Variants in RNF180 observed in about 807,000 individuals in gnomAD.
RNF180 encodes the protein ring finger protein 180.
In RNF180, 38 loss-of-function variants were observed where a neutral mutation model predicts 59.2. The observed-to-expected ratio is 0.64, with a 90% CI of 0.50 to 0.84. The LOEUF (loss-of-function observed/expected upper bound fraction) is 0.84. Among genes scored for constraint, RNF180 ranks in the 40% least tolerant of loss-of-function variants. RNF180 has a pLI of 0.00. For missense variants in RNF180, 705 were observed against 700.9 expected, an observed-to-expected ratio of 1.01 and a Z score of -0.07; for synonymous variants, 262 against 240.3, an observed-to-expected ratio of 1.09 and a Z score of -0.84.
chr5:64,190,830 C>T (rs1300615866), intron 1 of RNF180, among the ~76,000 whole-genome samples: 1 of 152,098 alleles, frequency 6.6e-6, no homozygotes, highest in Non-Finnish European at 1.5e-5. Flanking sequence ...GAAAACAACC[C>T]TACCAACATC....
chr5:64,174,590 C>T (rs1750127437), intron 1 of RNF180, among the ~76,000 whole-genome samples: 1 of 151,948 alleles, frequency 6.6e-6, no homozygotes, highest in South Asian at 2.1e-4. Flanking sequence ...TTATCATATA[C>T]CCGTTGGCCA....
At chr5:64,269,590 G>A (rs916496655) in intron 5 of RNF180, among the ~76,000 whole-genome samples, 1 of 151,976 alleles carries the variant, frequency 6.6e-6, no homozygotes, top group South Asian at 2.1e-4. Context: ...CTTACTGAAG[G>A]CCCTGCTATG....
intron 1 of RNF180, among the ~76,000 whole-genome samples, chr5:64,182,280 A>C (rs1750638802): frequency 6.6e-6 from 1 of 152,058 alleles, no homozygotes; most frequent in Non-Finnish European, 1.5e-5. Context: ...TACTTTCTTA[A>C]ATAATGTGAT....
At chr5:64,308,875 C>T (rs984142845) in intron 5 of RNF180, among the ~76,000 whole-genome samples, 6 of 151,506 alleles carry the variant, frequency 4.0e-5, no homozygotes, top group Middle Eastern at 3.2e-3. Context: ...TCAGCTGACT[C>T]CCCCATAGGC....
At chr5:64,195,669 A>G (rs1194172096) in intron 1 of RNF180, among the ~76,000 whole-genome samples, 1 of 152,250 alleles carries the variant, frequency 6.6e-6, no homozygotes, top group East Asian at 1.9e-4. Context: ...TAAAGACCAA[A>G]ACACTTCTAA....
chr5:64,283,660 T>C (rs1742127877), intron 5 of RNF180, among the ~76,000 whole-genome samples: 1 of 152,180 alleles, frequency 6.6e-6, no homozygotes, highest in African/African-American at 2.4e-5. Flanking sequence ...GCATTTCCCA[T>C]GCTTGCACTT....
chr5:64,341,125 T>G lies in RNF180; in HGVS notation c.1579+10719T>G, dbSNP rs184989343. 1.5e-3 allele frequency among the ~76,000 whole-genome samples: 225 copies of G among 152,304 alleles called. 1 individual carries two copies. The highest frequency in any genetic ancestry group is 5.2e-3 in the African/African-American group (216 of 41,582). The stretch of plus-strand genomic sequence containing the variant: ...CATTTATAAAAGTGCACATGTATGC[T>G]TGTGCATTAAAAATTCAACCAGTAA... On this transcript the variant is annotated intron_variant, in intron 7 of 7. Transcript: ENST00000389100.
intron 5 of RNF180, among the ~76,000 whole-genome samples, chr5:64,270,026 A>AACACACAC (rs146625939): frequency 1.1e-3 from 159 of 148,686 alleles, no homozygotes; most frequent in African/African-American, 3.7e-3. Context: ...CAGTAACAAT[A>AACACACAC]ACACACACAC....
rs187698762 is a variant in RNF180, at chr5:64,246,394, A to G, written c.1227+28998A>G. Among the ~76,000 whole-genome samples, 128 of 152,308 alleles carry G rather than the reference A, an allele frequency of 8.4e-4. 1 individual carries two copies. Among genetic ancestry groups the G allele is most frequent in the African/African-American group, 3.0e-3 (123 of 41,582 alleles). Reference sequence around the variant, plus strand: ...CTAATAAAGAAGAAAAGACAGAAAAATAAAATAGACACTATAAAAAATGAT... The same window carrying G: ...CTAATAAAGAAGAAAAGACAGAAAAGTAAAATAGACACTATAAAAAATGAT... On this transcript the variant is annotated intron_variant, in intron 5 of 7. Transcript: ENST00000389100.
intron 1 of RNF180, among the ~76,000 whole-genome samples, chr5:64,193,688 T>A (rs941580136): frequency 6.6e-6 from 1 of 152,238 alleles, no homozygotes; most frequent in Non-Finnish European, 1.5e-5. Flanking sequence ...ATATCACTTT[T>A]ATAATGAAAG....
chr5:64,206,014 T>C (rs1751999385), intron 2 of RNF180, among the ~76,000 whole-genome samples: 1 of 152,176 alleles, frequency 6.6e-6, no homozygotes, highest in Non-Finnish European at 1.5e-5. Flanking sequence ...AAATGTTAAA[T>C]GAGATCTAGA....
In RNF180 at chr5:64,198,932, C is replaced by T. The variant is rs150761859; in HGVS notation, c.1-1876C>T. ...CCGAGTTCAAGCAATTCTCCTGCCT[C>T]AGCCTCCCAAGTAGCTGGGACTACA... On this transcript the variant is annotated intron_variant, in intron 1 of 7. Transcript: ENST00000389100. 3.4e-3 allele frequency among the ~76,000 whole-genome samples: 524 copies of T among 152,198 alleles called. 2 individuals are homozygous for T. The highest frequency in any genetic ancestry group is 0.011 in the African/African-American group (476 of 41,538).
In RNF180 at chr5:64,372,675, CTT is replaced by C. The variant is rs1281953553; in HGVS notation, c.*2863_*2864del. The C allele has an allele frequency of 6.6e-6, 1 of 151,882 alleles. No homozygotes were observed. Among genetic ancestry groups the C allele is most frequent in the Admixed American group, 6.6e-5 (1 of 15,188 alleles). 9.4% of individuals were successfully genotyped at this position (151,882 alleles called of 1,614,324 possible). On this transcript the variant is annotated 3_prime_UTR_variant, in exon 8 of 8. Coordinates refer to ENST00000389100, the MANE Select transcript of RNF180 (RefSeq NM_001113561.2). ...GATTAAATGCAATTACAGTTGGAGT[CTT>C]TGATTCTTCACAGAATTCTGTAGTT...
chr5:64,365,093 C>T (rs1746396540), intron 7 of RNF180, among the ~76,000 whole-genome samples: 1 of 150,392 alleles, frequency 6.6e-6, no homozygotes, highest in Admixed American at 6.7e-5. Context: ...TATTTCTTGT[C>T]TTCTAGCTTT....
chr5:64,343,404 AG>A (rs1239967205), intron 7 of RNF180, among the ~76,000 whole-genome samples: 40 of 152,108 alleles, frequency 2.6e-4, no homozygotes, highest in Admixed American at 2.6e-3. Context: ...GTGTAATTGG[AG>A]ACCCTGAAGG....
intron 7 of RNF180, among the ~76,000 whole-genome samples, chr5:64,359,646 C>A (rs1203019161): frequency 6.6e-6 from 1 of 151,406 alleles, no homozygotes; most frequent in Non-Finnish European, 1.5e-5. Flanking sequence ...TTAATTAGAT[C>A]CCATTTGTCA....
chr5:64,300,725 A>G (rs1580208147), intron 5 of RNF180, among the ~76,000 whole-genome samples: 1 of 150,974 alleles, frequency 6.6e-6, no homozygotes, highest in Non-Finnish European at 1.5e-5. Flanking sequence ...ACTTCTTCCT[A>G]CTCTCCCCTG....
Position 64,369,698 on chromosome 5 carries a change from G to A in RNF180, c.1663G>A (p.Asp555Asn). The change falls in exon 8 of 8, where the codon GAT (aspartate) becomes AAT (asparagine). Residue 555 changes from aspartate (D) to asparagine (N), a missense_variant. By Grantham distance (23) the Asp-to-Asn change is conservative. Transcript: ENST00000389100. ...GATGGATTACCTGCACTTTGAGGAT[G>A]ATAGCCGTGGATGGTGGTTTGACAT... ...HRMDYLHFED[D>N]SRGWWFDMDM... The A allele has an allele frequency of 3.9e-6, 6 of 1,548,186 alleles. No homozygotes were observed. Among genetic ancestry groups the A allele is most frequent in the Non-Finnish European group, 5.2e-6 (6 of 1,145,148 alleles).
Position 64,213,933 on chromosome 5 carries a change from T to C in RNF180, c.607T>C (p.Ser203Pro). ...MKNEKLLSKA[S>P]EPKYQLFVPQ... ...GAACGAAAAACTGCTGTCCAAAGCA[T>C]CAGAACCAAAATACCAGCTTTTTGT... Residue 203 changes from serine (S) to proline (P), a missense_variant, in exon 4 of 8, where the codon TCA (serine) becomes CCA (proline). Physicochemically the swap from Ser to Pro is moderately conservative, Grantham distance 74. Coordinates refer to ENST00000389100, the MANE Select transcript of RNF180 (RefSeq NM_001113561.2). The C allele has an allele frequency of 6.2e-7, 1 of 1,614,024 alleles. No individual in the cohort carries two copies. The highest frequency in any genetic ancestry group is 8.5e-7 in the Non-Finnish European group (1 of 1,179,964).
Sources: gnomAD v4.1 joint callset for allele counts (sites outside exome capture counted in the v4.1 genomes callset) on GRCh38, gnomAD v4.1.1 for gene constraint, MANE v1.5 for transcripts, NCBI Gene and HGNC (gene_info 2026-07-23, HGNC 2026-07-21) for gene names.